The following NRXN1 variants were observed in gnomAD, a reference collection of about 807,000 sequenced individuals.
The protein encoded by NRXN1 is neurexin 1, also known as neurexin-1.
In NRXN1, 39 loss-of-function variants were observed where a neutral mutation model predicts 150.9. That is an observed-to-expected ratio of 0.26 (90% CI 0.20 to 0.34). The LOEUF (loss-of-function observed/expected upper bound fraction) is 0.34, where lower values mean the gene tolerates loss of function less well. NRXN1 is among the 10% of genes least tolerant of loss of function. The probability of loss-of-function intolerance (pLI) is 1.00; values close to 1 mark genes in which losing one functional copy is unlikely to be tolerated. For missense variants in NRXN1, 1,815 were observed against 1,949.9 expected (o/e 0.93, Z 1.30); for synonymous variants, 924 against 757.0 (o/e 1.22, Z -3.62).
At chr2:50,519,201 TA>T (rs1356857213) in intron 12 of NRXN1, among the ~76,000 whole-genome samples, 1 of 151,948 alleles carries the variant, frequency 6.6e-6, no homozygotes, top group African/African-American at 2.4e-5. Context: ...GAATGCAATA[TA>T]TTTTTTCTAA....
At chr2:50,019,972 AAG>A (rs1208030506) in intron 21 of NRXN1, among the ~76,000 whole-genome samples, 5,045 of 111,170 alleles carry the variant, frequency 0.045, 783 homozygotes, top group African/African-American at 0.12. Flanking sequence ...AAAAAAAAAA[AAG>A]AGAGAGAGAG....
intron 8 of NRXN1, among the ~76,000 whole-genome samples, chr2:50,562,899 T>C (rs1369703294): frequency 6.6e-6 from 1 of 152,240 alleles, no homozygotes; most frequent in Non-Finnish European, 1.5e-5. Context: ...CTAATGTGTG[T>C]TAGGCTCCTT....
At chr2:50,997,508 T>A (rs1161867384) in intron 2 of NRXN1, among the ~76,000 whole-genome samples, 1 of 112,194 alleles carries the variant, frequency 8.9e-6, no homozygotes, top group Non-Finnish European at 1.7e-5. Flanking sequence ...GGGAAAACAT[T>A]TTATTTTATT....
intron 5 of NRXN1, among the ~76,000 whole-genome samples, chr2:50,694,553 G>C (rs768980623): frequency 1.1e-4 from 17 of 152,086 alleles, no homozygotes; most frequent in Non-Finnish European, 1.9e-4. Flanking sequence ...ATTCAAGGTT[G>C]AACACTCAAG....
intron 17 of NRXN1, among the ~76,000 whole-genome samples, chr2:50,266,692 G>A (rs1389914135): frequency 6.6e-6 from 1 of 151,844 alleles, no homozygotes; most frequent in African/African-American, 2.4e-5. Flanking sequence ...GGCAAACTCT[G>A]ACCCTGTCTA....
rs148424012 is a variant in NRXN1, at chr2:50,611,001, C to T, written c.1320+9021G>A. On this transcript the variant is annotated intron_variant, in intron 8 of 22. Transcript: ENST00000401669. ...TTTCAAGTCATCTACCTGACTTGGCCTCCTGCAGTGCTGGGACTACAGGCA... is the reference window on the plus strand; with the variant it reads ...TTTCAAGTCATCTACCTGACTTGGCTTCCTGCAGTGCTGGGACTACAGGCA... Among the ~76,000 whole-genome samples, 368 of 149,664 alleles carry T rather than the reference C, an allele frequency of 2.5e-3. 1 individual carries two copies. The highest frequency in any genetic ancestry group is 4.5e-3 in the Non-Finnish European group (305 of 67,694).
chr2:50,580,798 C>CT (rs904323600), intron 8 of NRXN1, among the ~76,000 whole-genome samples: 8 of 152,088 alleles, frequency 5.3e-5, no homozygotes, highest in African/African-American at 1.9e-4. Flanking sequence ...AGCAGAAGGG[C>CT]TTATTTCCAT....
At chr2:50,902,792 G>A (rs1309733658) in intron 5 of NRXN1, among the ~76,000 whole-genome samples, 1 of 152,046 alleles carries the variant, frequency 6.6e-6, no homozygotes, top group Non-Finnish European at 1.5e-5. Context: ...GAAGTCAAAT[G>A]TCATTGTCCC....
intron 18 of NRXN1, among the ~76,000 whole-genome samples, chr2:50,220,107 A>T (rs944695380): frequency 2.7e-5 from 4 of 147,264 alleles, no homozygotes; most frequent in Non-Finnish European, 4.5e-5. Context: ...CTTAGAGAGA[A>T]ATATGAGTCA....
intron 5 of NRXN1, among the ~76,000 whole-genome samples, chr2:50,726,017 A>G (rs1221255794): frequency 6.6e-6 from 1 of 152,216 alleles, no homozygotes; most frequent in East Asian, 1.9e-4. Context: ...TTTTACTCTC[A>G]GTACCATAGA....
chr2:50,819,683 T>C lies in NRXN1; in HGVS notation c.832+102186A>G, dbSNP rs543724312. On this transcript the variant is annotated intron_variant, in intron 5 of 22. Coordinates refer to ENST00000401669, the MANE Select transcript of NRXN1 (RefSeq NM_001330078.2). ...TGTTAAGAGGATAAATTACATGTTA[T>C]GTTTTTTTTTAAATCTCAATCAAAG... 9.2e-5 allele frequency among the ~76,000 whole-genome samples: 14 copies of C among 152,230 alleles called. No homozygotes were observed. In the Middle Eastern group the frequency reaches 0.017, roughly 185 times the overall value.
intron 2 of NRXN1, among the ~76,000 whole-genome samples, chr2:51,006,410 G>C (rs1418233212): frequency 4.0e-5 from 6 of 151,676 alleles, no homozygotes; most frequent in African/African-American, 2.4e-5. Context: ...TGGGGGAAGG[G>C]GGGAGGGATA....
At chr2:50,637,054 G>A (rs1402267072) in intron 5 of NRXN1, among the ~76,000 whole-genome samples, 1 of 152,046 alleles carries the variant, frequency 6.6e-6, no homozygotes, top group Admixed American at 6.6e-5. Context: ...AGGAGCCCTA[G>A]GTTCAATTCC....
intron 18 of NRXN1, among the ~76,000 whole-genome samples, chr2:50,155,061 C>T (rs2058931531): frequency 1.3e-5 from 2 of 151,524 alleles, no homozygotes; most frequent in African/African-American, 4.8e-5. Context: ...AAAATTATAT[C>T]TATTTTTTAA....
chr2:50,280,898 G>A (rs993826646), intron 17 of NRXN1, among the ~76,000 whole-genome samples: 4 of 152,004 alleles, frequency 2.6e-5, no homozygotes, highest in Non-Finnish European at 5.9e-5. Flanking sequence ...TAAAGTACTG[G>A]AGATTTGTAA....
At chr2:50,667,905 T>C (rs1174086186) in intron 5 of NRXN1, among the ~76,000 whole-genome samples, 4 of 152,012 alleles carry the variant, frequency 2.6e-5, no homozygotes, top group African/African-American at 4.8e-5. Context: ...CTTACATTTG[T>C]ATAATGCTTT....
intron 5 of NRXN1, among the ~76,000 whole-genome samples, chr2:50,705,433 C>T (rs75916930): frequency 0.045 from 6,897 of 152,156 alleles, 202 homozygotes; most frequent in Admixed American, 0.074. Flanking sequence ...TGATAATCCA[C>T]GGAAGCACTT....
chr2:50,477,185 T>G (rs888092049), intron 15 of NRXN1, among the ~76,000 whole-genome samples: 2 of 152,076 alleles, frequency 1.3e-5, no homozygotes, highest in Non-Finnish European at 2.9e-5. Flanking sequence ...TTTATTAAGT[T>G]ATGTAAATAA....
chr2:50,356,103 C>G (rs2078795470), intron 17 of NRXN1, among the ~76,000 whole-genome samples: 1 of 151,778 alleles, frequency 6.6e-6, no homozygotes, highest in Non-Finnish European at 1.5e-5. Flanking sequence ...AAGATGCTTG[C>G]TGCCAAGTTG....
Sources: gnomAD v4.1 joint callset for allele counts (sites outside exome capture counted in the v4.1 genomes callset) on GRCh38, gnomAD v4.1.1 for gene constraint, MANE v1.5 for transcripts, NCBI Gene and HGNC (gene_info 2026-07-23, HGNC 2026-07-21) for gene names.